TRMT61A: variants seen among roughly 807,000 people sequenced by gnomAD.
The protein encoded by TRMT61A is tRNA (adenine(58)-N(1))-methyltransferase catalytic subunit TRMT61A.
In TRMT61A, 15 loss-of-function variants were observed where a neutral mutation model predicts 21.3. The ratio of observed to expected loss-of-function variants is 0.70; its 90% CI spans 0.47 to 1.08. TRMT61A has a LOEUF of 1.08. Among genes scored for constraint, TRMT61A ranks in the 50% least tolerant of loss-of-function variants. TRMT61A has a pLI of 0.00. For synonymous variants in TRMT61A, 183 were observed against 185.5 expected, an observed-to-expected ratio of 0.99 and a Z score of 0.11; for missense variants, 352 against 426.7, an observed-to-expected ratio of 0.83 and a Z score of 1.54.
chr14:103,530,347 T>G (rs374263147), intron 2 of TRMT61A, 38 bp downstream of exon 2: 6 of 1,541,568 alleles, frequency 3.9e-6, no homozygotes, highest in Non-Finnish European at 5.3e-6. Context: ...ACGCAGAAAT[T>G]GACACAAAGG....
rs2075954291 is a variant in TRMT61A at position 103,531,567 on chromosome 14, T to A, written c.332-1015T>A. 6.6e-6 allele frequency among the ~76,000 whole-genome samples: 1 copy of A among 151,750 alleles called. No homozygotes were observed. Among genetic ancestry groups the A allele is most frequent in the African/African-American group, 2.4e-5 (1 of 41,266 alleles). ...CTTGCCCCTTAGTGGGAAGGGGGCA[T>A]GGCCAGGCTTTGCAGAGGGGCGAGG... On this transcript the variant is annotated intron_variant, in intron 2 of 3. Transcript: ENST00000389749. This position sits in a 1 kb window ranked among gnomAD's most constrained non-coding sequence, Gnocchi z 5.1.
Position 103,534,551 on chromosome 14 carries a change from C to G in TRMT61A, c.600C>G (p.Gly200=). 1 of 1,551,624 alleles carries G rather than the reference C, an allele frequency of 6.4e-7. No homozygotes were observed. Among genetic ancestry groups the G allele is most frequent in the East Asian group, 2.3e-5 (1 of 43,902 alleles). Residue 200 remains glycine, a splice_region_variant and synonymous_variant, in exon 4 of 4, where the codon GGC becomes GGG. Transcript: ENST00000389749. ...GHAWDALKVE[G]GRFCSFSPCI... is the part of the protein sequence containing the mutation. The stretch of plus-strand genomic sequence containing the variant: ...ACCCTCGGGTCCTGTTTCCCACAGG[C>G]GGGCGCTTCTGCTCCTTCTCACCGT...
At position 103,531,979 on chromosome 14, in the gene TRMT61A, G is replaced by A. The variant is rs757158907; in HGVS notation, c.332-603G>A. ...AGGTGCGCTGGGGAGGACTGGGGCCGTGTGGCTGGTGGCCAGGCCCTGCGT... is the reference window on the plus strand; with the variant it reads ...AGGTGCGCTGGGGAGGACTGGGGCCATGTGGCTGGTGGCCAGGCCCTGCGT... On this transcript the variant is annotated intron_variant, in intron 2 of 3. Coordinates refer to ENST00000389749, the MANE Select transcript of TRMT61A (RefSeq NM_152307.3). The surrounding 1 kb of genome is among the most constrained non-coding windows in gnomAD (Gnocchi z 5.1). Among the ~76,000 whole-genome samples, 16 of 151,842 alleles carry A rather than the reference G, an allele frequency of 1.1e-4. No individual in the cohort carries two copies. The highest frequency in any genetic ancestry group is 2.1e-4 in the South Asian group (1 of 4,816).
Position 103,530,267 on chromosome 14 carries a change from A to G in TRMT61A, c.289A>G (p.Met97Val), listed in dbSNP as rs756005027. The G allele has an allele frequency of 6.3e-7, 1 of 1,599,542 alleles. No individual in the cohort carries two copies. Among genetic ancestry groups the G allele is most frequent in the Non-Finnish European group, 8.6e-7 (1 of 1,168,530 alleles). ...CTCCACAGACATCGCCCTCATCACC[A>G]TGATGTTGGAGCTTCGGCCCGGCTC... is the stretch of plus-strand genomic sequence containing the variant. ...LYSTDIALIT[M>V]MLELRPGSVV... The change falls in exon 2 of 4, where the codon ATG (methionine) becomes GTG (valine). Residue 97 changes from methionine (M) to valine (V), a missense_variant. Transcript: ENST00000389749.
intron 3 of TRMT61A, among the ~76,000 whole-genome samples, chr14:103,533,565 C>T (rs979305368): frequency 3.3e-5 from 5 of 152,182 alleles, no homozygotes; most frequent in African/African-American, 1.2e-4. Context: ...AGGCTTCCTG[C>T]TCTGGGGACA....
intron 3 of TRMT61A, among the ~76,000 whole-genome samples, chr14:103,533,052 C>T (rs1435756396): frequency 6.6e-6 from 1 of 152,228 alleles, no homozygotes; most frequent in East Asian, 1.9e-4. Flanking sequence ...CCTGGCTGGG[C>T]CCTGCTCCTG....
In TRMT61A at chr14:103,536,987, C is replaced by T. The variant is rs2075976363; in HGVS notation, c.*2166C>T. 1 of 152,486 alleles carries T rather than the reference C, an allele frequency of 6.6e-6. No individual in the cohort carries two copies. Among genetic ancestry groups the T allele is most frequent in the African/African-American group, 2.4e-5 (1 of 41,472 alleles). 9.4% of individuals were successfully genotyped at this position (152,486 alleles called of 1,614,324 possible). A position where few individuals can be genotyped will look rare whatever the true frequency, so the allele number is the denominator to read the frequency against. ...GCATCCACCCCCACCGTATGGCCCT[C>T]TAGACCCAGCTGGGCCTCACCCCAC... is the stretch of plus-strand genomic sequence containing the variant. On this transcript the variant is annotated 3_prime_UTR_variant, in exon 4 of 4. Coordinates refer to ENST00000389749, the MANE Select transcript of TRMT61A (RefSeq NM_152307.3).
chr14:103,533,633 G>C (rs1427437747), intron 3 of TRMT61A, among the ~76,000 whole-genome samples: 1 of 152,146 alleles, frequency 6.6e-6, no homozygotes, highest in East Asian at 1.9e-4. Flanking sequence ...CTCCCCTGGG[G>C]CCCCCCTGCT....
In TRMT61A at chr14:103,534,758, G is replaced by A. The variant is rs771131238; in HGVS notation, c.807G>A (p.Thr269=). The change falls in exon 4 of 4, where the codon ACG becomes ACA. Residue 269 remains threonine (T), a synonymous_variant. Transcript: ENST00000389749. ...GSDTSPFRSG[T]PMKEAVGHTG... ...ACACCAGCCCCTTCCGCAGCGGCAC[G>A]CCCATGAAGGAGGCCGTGGGCCACA... The A allele has an allele frequency of 1.1e-5, 17 of 1,585,134 alleles. No individual in the cohort carries two copies. The highest frequency in any genetic ancestry group is 2.3e-5 in the East Asian group (1 of 43,918).
At chr14:103,533,868 C>T (rs1363503574) in intron 3 of TRMT61A, among the ~76,000 whole-genome samples, 4 of 152,228 alleles carry the variant, frequency 2.6e-5, no homozygotes, top group South Asian at 2.1e-4. Context: ...CCTCTAACCC[C>T]GAACCTCCTG....
chr14:103,531,429 C>G lies in TRMT61A; in HGVS notation c.331+1120C>G, dbSNP rs1208917401. 6.6e-6 allele frequency among the ~76,000 whole-genome samples: 1 copy of G among 152,076 alleles called. No homozygotes were observed. Among genetic ancestry groups the G allele is most frequent in the East Asian group, 1.9e-4 (1 of 5,178 alleles). On this transcript the variant is annotated intron_variant, in intron 2 of 3. Transcript: ENST00000389749. This position sits in a 1 kb window ranked among gnomAD's most constrained non-coding sequence, Gnocchi z 5.1. ...GCTCTGCACCAAGGAGGAGCCGTGC[C>G]GAGGCCCTGCAGTTGGAGCATGCTG...
chr14:103,533,413 C>T (rs12891288), intron 3 of TRMT61A, among the ~76,000 whole-genome samples: 42,608 of 152,108 alleles, frequency 0.28, 6,153 homozygotes, highest in East Asian at 0.31. Context: ...CGCCCCACCC[C>T]ACCTCAAAGA....
intron 3 of TRMT61A, 106 bp from the exon 4 acceptor site, chr14:103,534,444 C>A: frequency 7.2e-7 from 1 of 1,389,510 alleles, no homozygotes. Flanking sequence ...TTGGGGCTGT[C>A]TTAGGCTGGC....
Position 103,531,188 on chromosome 14 carries a change from T to A in TRMT61A, c.331+879T>A, listed in dbSNP as rs754287. 0.42 allele frequency among the ~76,000 whole-genome samples: 64,182 copies of A among 151,974 alleles called. 14,005 individuals carry two copies. Among genetic ancestry groups the A allele is most frequent in the East Asian group, 0.55 (2,822 of 5,154 alleles). ...AGGTCCCCTCCTAGGAACCGTGAAC[T>A]AGAGAGACCAGGTTCCTGCCCTCGA... On this transcript the variant is annotated intron_variant, in intron 2 of 3. Transcript: ENST00000389749. The surrounding 1 kb of genome is among the most constrained non-coding windows in gnomAD (Gnocchi z 5.1).
chr14:103,535,214 C>A lies in TRMT61A; in HGVS notation c.*393C>A. The stretch of plus-strand genomic sequence containing the variant: ...ACCCTGAGACCACGCTGCGTCTGAC[C>A]CCTGGGCCCCCACGGCCCTGGCTGC... On this transcript the variant is annotated 3_prime_UTR_variant, in exon 4 of 4. Coordinates refer to ENST00000389749, the MANE Select transcript of TRMT61A (RefSeq NM_152307.3). The A allele has an allele frequency of 2.1e-6, 1 of 479,086 alleles. No individual in the cohort carries two copies. Among genetic ancestry groups the A allele is most frequent in the South Asian group, 1.6e-5 (1 of 64,042 alleles). The allele number at this position is 479,086 out of a possible 1,614,324, so 29.7% of individuals were successfully genotyped here.
chr14:103,535,565 G>A lies in TRMT61A; in HGVS notation c.*744G>A. The A allele has an allele frequency of 3.0e-6, 1 of 331,478 alleles. No individual in the cohort carries two copies. Among genetic ancestry groups the A allele is most frequent in the Non-Finnish European group, 6.0e-6 (1 of 166,558 alleles). 20.5% of individuals were successfully genotyped at this position (331,478 alleles called of 1,614,324 possible). On this transcript the variant is annotated 3_prime_UTR_variant, in exon 4 of 4. Transcript: ENST00000389749. ...GCGGCAGAGTGGGTTGTCTGCCGCA[G>A]GCAACCAGGCAAGTGTGTCGGGGCT...
rs558288621 is a variant in TRMT61A at position 103,532,634 on chromosome 14, G to A, written c.384G>A (p.Thr128=). The A allele has an allele frequency of 8.7e-6, 14 of 1,613,432 alleles. No individual in the cohort carries two copies. The highest frequency in any genetic ancestry group is 6.6e-5 in the South Asian group (6 of 91,090). Residue 128 remains threonine (T), a synonymous_variant, in exon 3 of 4, where the codon ACG becomes ACA. Coordinates refer to ENST00000389749, the MANE Select transcript of TRMT61A (RefSeq NM_152307.3). ...SHAIIRTIAP[T]GHLHTVEFHQ... ...CCATCATCCGCACCATTGCACCCAC[G>A]GGTCACCTGCACACGGTGGAGTTCC...
In TRMT61A at chr14:103,535,040, C is replaced by T. The variant is rs56666624; in HGVS notation, c.*219C>T. On this transcript the variant is annotated 3_prime_UTR_variant, in exon 4 of 4. Coordinates refer to ENST00000389749, the MANE Select transcript of TRMT61A (RefSeq NM_152307.3). ...AGCCATTCCTGTCCAGCCCTGTGGC[C>T]CATCCCAGCTGCTGTTTGTTGCCAA... The T allele has an allele frequency of 8.9e-3, 6,384 of 717,086 alleles. 306 individuals carry two copies. The African/African-American group carries it at 0.097, about 11-fold the overall frequency. The allele number at this position is 717,086 out of a possible 1,614,324, so 44.4% of individuals were successfully genotyped here.
chr14:103,529,436 TC>T (rs2075945943), intron 1 of TRMT61A, among the ~76,000 whole-genome samples, 175 bp downstream of exon 1: 1 of 152,166 alleles, frequency 6.6e-6, no homozygotes, highest in Non-Finnish European at 1.5e-5. Context: ...CAGCTCCGCG[TC>T]CCCAGCCCCT....
Sources: gnomAD v4.1 joint callset for allele counts (sites outside exome capture counted in the v4.1 genomes callset) on GRCh38, gnomAD v4.1.1 for gene constraint, Gnocchi (gnomAD v3.1) non-coding constraint, MANE v1.5 for transcripts, NCBI Gene and HGNC (gene_info 2026-07-23, HGNC 2026-07-21) for gene names.